The following MIR2052HG variants were observed in gnomAD, a reference collection of about 807,000 sequenced individuals.
MIR2052HG encodes the protein MIR2052 host gene.
intron 2 of MIR2052HG, among the ~76,000 whole-genome samples, chr8:74,645,999 C>T (rs1466246195): frequency 6.6e-6 from 1 of 152,112 alleles, no homozygotes; most frequent in Admixed American, 6.5e-5. Context: ...TTATAGTCAA[C>T]AAATATTTAA....
At chr8:74,684,659 G>GT (rs1809161002) in intron 2 of MIR2052HG, among the ~76,000 whole-genome samples, 1 of 152,038 alleles carries the variant, frequency 6.6e-6, no homozygotes, top group Non-Finnish European at 1.5e-5. Context: ...GACTTTCATT[G>GT]TTTTTTGTTG....
chr8:74,668,232 T>G (rs1465035675), intron 2 of MIR2052HG, among the ~76,000 whole-genome samples: 2 of 151,916 alleles, frequency 1.3e-5, no homozygotes, highest in Non-Finnish European at 2.9e-5. Flanking sequence ...TGATACTTAT[T>G]TCTATTACAA....
chr8:74,640,351 G>C (rs1318246174), intron 2 of MIR2052HG, among the ~76,000 whole-genome samples: 1 of 151,024 alleles, frequency 6.6e-6, no homozygotes, highest in Non-Finnish European at 1.5e-5. Flanking sequence ...CTTGCCTGTA[G>C]TCCCAGCTAC....
At chr8:74,706,715 A>G (rs1271736562) in intron 4 of MIR2052HG, among the ~76,000 whole-genome samples, 2 of 152,152 alleles carry the variant, frequency 1.3e-5, no homozygotes, top group Non-Finnish European at 2.9e-5. Context: ...ATGCTTAACC[A>G]ATTGTAAAAA....
chr8:74,690,075 A>G (rs1809223800), intron 2 of MIR2052HG, among the ~76,000 whole-genome samples: 1 of 152,240 alleles, frequency 6.6e-6, no homozygotes, highest in African/African-American at 2.4e-5. Flanking sequence ...AGGTGTAGGT[A>G]GGACATTACA....
At chr8:74,695,999 A>G (rs2128740337) in intron 2 of MIR2052HG, among the ~76,000 whole-genome samples, 2 of 152,324 alleles carry the variant, frequency 1.3e-5, no homozygotes, top group East Asian at 3.9e-4. Flanking sequence ...AGAATGTTCT[A>G]CTTAACAACT....
intron 2 of MIR2052HG, among the ~76,000 whole-genome samples, chr8:74,628,456 T>C (rs1003491739): frequency 6.6e-6 from 1 of 152,134 alleles, no homozygotes; most frequent in African/African-American, 2.4e-5. Flanking sequence ...CAGAAGCCGA[T>C]AGATGTGGAA....
chr8:74,623,837 A>G (rs927409755), intron 2 of MIR2052HG, among the ~76,000 whole-genome samples: 5 of 152,208 alleles, frequency 3.3e-5, no homozygotes, highest in African/African-American at 1.2e-4. Context: ...TGATCTGTAT[A>G]TAAGGGATAT....
At chr8:74,701,313 T>C (rs1809355168) in intron 2 of MIR2052HG, among the ~76,000 whole-genome samples, 2 of 152,156 alleles carry the variant, frequency 1.3e-5, no homozygotes, top group African/African-American at 4.8e-5. Flanking sequence ...ATTGAATAGA[T>C]GGATATTAGA....
chr8:74,674,750 T>A (rs1809032841), intron 2 of MIR2052HG, among the ~76,000 whole-genome samples: 1 of 151,998 alleles, frequency 6.6e-6, no homozygotes, highest in East Asian at 1.9e-4. Context: ...ATCATATTGA[T>A]AAACAAATGA....
At chr8:74,681,121 A>C (rs1809119791) in intron 2 of MIR2052HG, among the ~76,000 whole-genome samples, 1 of 150,748 alleles carries the variant, frequency 6.6e-6, no homozygotes, top group South Asian at 2.1e-4. Context: ...CTAGATGACG[A>C]GTTAGTGGGC....
intron 1 of MIR2052HG, among the ~76,000 whole-genome samples, chr8:74,611,160 T>C (rs187866805): frequency 7.9e-5 from 12 of 152,196 alleles, no homozygotes; most frequent in African/African-American, 2.6e-4. Flanking sequence ...TGGCAAAATA[T>C]TTGAATAGAC....
chr8:74,678,385 C>T (rs532352311), intron 2 of MIR2052HG, among the ~76,000 whole-genome samples: 6 of 151,766 alleles, frequency 4.0e-5, no homozygotes, highest in Admixed American at 3.3e-4. Flanking sequence ...ATGGTGAAAC[C>T]CCGTCTCTAC....
intron 2 of MIR2052HG, among the ~76,000 whole-genome samples, chr8:74,678,419 C>T (rs1232497385): frequency 3.3e-5 from 5 of 151,634 alleles, no homozygotes; most frequent in South Asian, 2.1e-4. Context: ...AAAAATTAGC[C>T]GGGTGTAGTG....
intron 2 of MIR2052HG, among the ~76,000 whole-genome samples, chr8:74,690,191 G>T (rs1332698520): frequency 6.6e-6 from 1 of 152,128 alleles, no homozygotes; most frequent in Non-Finnish European, 1.5e-5. Context: ...ACAAATGCTT[G>T]GTGAGTGACT....
At chr8:74,702,859 A>G (rs78141226) in intron 3 of MIR2052HG, among the ~76,000 whole-genome samples, 1,770 of 152,238 alleles carry the variant, frequency 0.012, 37 homozygotes, top group African/African-American at 0.04. Context: ...CCCAAAGGTA[A>G]TGAGCAATAG....
intron 3 of MIR2052HG, among the ~76,000 whole-genome samples, chr8:74,702,621 C>T (rs1809369449): frequency 6.6e-6 from 1 of 151,892 alleles, no homozygotes; most frequent in Non-Finnish European, 1.5e-5. Flanking sequence ...AGATTTCACC[C>T]CAAAGAAATA....
intron 2 of MIR2052HG, among the ~76,000 whole-genome samples, chr8:74,694,549 T>C (rs1222278222): frequency 6.6e-6 from 1 of 152,170 alleles, no homozygotes; most frequent in Non-Finnish European, 1.5e-5. Context: ...GAAGGTTGAT[T>C]ATTAAACTGC....
intron 2 of MIR2052HG, among the ~76,000 whole-genome samples, chr8:74,666,968 T>C (rs908712361): frequency 2.6e-5 from 4 of 152,180 alleles, no homozygotes; most frequent in Non-Finnish European, 5.9e-5. Context: ...TGGGCATCTC[T>C]TTTTGGGCTC....
Sources: gnomAD v4.1 joint callset for allele counts (sites outside exome capture counted in the v4.1 genomes callset) on GRCh38, gnomAD v4.1.1 for gene constraint, MANE v1.5 for transcripts, NCBI Gene and HGNC (gene_info 2026-07-23, HGNC 2026-07-21) for gene names.